The following ABCG1 variants were observed in gnomAD, a reference collection of about 807,000 sequenced individuals.
ABCG1 encodes the protein ATP-binding cassette sub-family G member 1.
ABCG1 carries 29 observed loss-of-function variants against 69.2 expected under a neutral mutation model. The ratio of observed to expected loss-of-function variants is 0.42; its 90% confidence interval spans 0.31 to 0.57. The LOEUF (loss-of-function observed/expected upper bound fraction) is 0.57, where lower values mean the gene tolerates loss of function less well. ABCG1 is among the 20% of genes least tolerant of loss of function. ABCG1 has a pLI of 0.15. For synonymous variants in ABCG1, 370 were observed against 374.8 expected (o/e 0.99, Z 0.15); for missense variants, 718 against 898.1 (o/e 0.80, Z 2.56).
At position 42,220,176 on chromosome 21, in the gene ABCG1, G is replaced by A. The variant is rs1427272936; in HGVS notation, c.42+872G>A. The A allele has an allele frequency of 2.0e-5, 15 of 750,140 alleles. No homozygotes were observed. In the East Asian group the frequency reaches 3.7e-4, roughly 18 times the overall value. 46.5% of individuals were successfully genotyped at this position (750,140 alleles called of 1,614,324 possible). A position where few individuals can be genotyped will look rare whatever the true frequency, so the allele number is the denominator to read the frequency against. ...TTATCCTAGCGCCCTTCATGTCTAC[G>A]CCCAGCACACCAACATCGTAGAGGT... On this transcript the variant is annotated intron_variant, in intron 1 of 14. Transcript: ENST00000398449.
Position 42,276,167 on chromosome 21 carries a change from T to C in ABCG1, c.538-728T>C, listed in dbSNP as rs893317970. 1.3e-5 allele frequency among the ~76,000 whole-genome samples: 2 copies of C among 152,124 alleles called. No homozygotes were observed. The highest frequency in any genetic ancestry group is 6.5e-5 in the Admixed American group (1 of 15,274). ...GGCAGGAGGGTGGAAGCAAGGCCCG[T>C]CCTGTGCATGGTGATCTACTCTGGG... On this transcript the variant is annotated intron_variant, in intron 4 of 14. Coordinates refer to ENST00000398449, the MANE Select transcript of ABCG1 (RefSeq NM_016818.3). This position sits in a 1 kb window ranked among gnomAD's most constrained non-coding sequence, Gnocchi z 5.3.
intron 2 of ABCG1, among the ~76,000 whole-genome samples, chr21:42,209,538 G>C (rs1225191666): frequency 6.6e-6 from 1 of 152,220 alleles, no homozygotes; most frequent in Non-Finnish European, 1.5e-5. Context: ...AAAGCTAAGG[G>C]TTAGAGGGTC....
chr21:42,236,981 G>A (rs1699736094), intron 2 of ABCG1, among the ~76,000 whole-genome samples: 1 of 152,222 alleles, frequency 6.6e-6, no homozygotes. Context: ...GAATGAGTTT[G>A]TCCAGAAAAT....
At chr21:42,279,691 G>C (rs547132265) in intron 5 of ABCG1, among the ~76,000 whole-genome samples, 1 of 152,238 alleles carries the variant, frequency 6.6e-6, no homozygotes, top group African/African-American at 2.4e-5. Flanking sequence ...AGCCTTTTCC[G>C]GGGTAGCTGG....
At chr21:42,283,717 CCCA>C (rs1555961681) in intron 6 of ABCG1, among the ~76,000 whole-genome samples, 1 of 58,308 alleles carries the variant, frequency 1.7e-5, no homozygotes. Flanking sequence ...TGAAGTACCA[CCCA>C]CCACCCAGAT....
intron 2 of ABCG1, among the ~76,000 whole-genome samples, chr21:42,235,941 G>T (rs1374975712): frequency 6.6e-6 from 1 of 152,170 alleles, no homozygotes; most frequent in Admixed American, 6.5e-5. Context: ...TTTTATTTTT[G>T]ATTTACAGGT....
At chr21:42,215,739 G>A (rs118099444), upstream of ABCG1, among the ~76,000 whole-genome samples, 125 of 152,320 alleles carry the variant, frequency 8.2e-4, 1 homozygote, top group Middle Eastern at 3.4e-3. Flanking sequence ...AGAGAACAAG[G>A]GTCTGGAAAG....
chr21:42,249,760 C>G (rs905001160), intron 2 of ABCG1, among the ~76,000 whole-genome samples: 1 of 152,112 alleles, frequency 6.6e-6, no homozygotes, highest in Middle Eastern at 3.2e-3. Flanking sequence ...AATCCCGGCA[C>G]TTTGGGAGGC....
intron 3 of ABCG1, among the ~76,000 whole-genome samples, chr21:42,272,742 C>A (rs2068638670): frequency 6.6e-6 from 1 of 152,186 alleles, no homozygotes; most frequent in Non-Finnish European, 1.5e-5. Flanking sequence ...GCATGAGCAC[C>A]TGGGAGGCTC....
chr21:42,245,899 A>G (rs978104030), intron 2 of ABCG1, among the ~76,000 whole-genome samples: 10 of 152,264 alleles, frequency 6.6e-5, no homozygotes, highest in African/African-American at 2.4e-4. Context: ...ACAGGGCACC[A>G]GGCAGCAGAA....
At chr21:42,253,505 C>G (rs1268201476) in intron 2 of ABCG1, among the ~76,000 whole-genome samples, 1 of 152,166 alleles carries the variant, frequency 6.6e-6, no homozygotes, top group Non-Finnish European at 1.5e-5. Context: ...TTTGGCCAGA[C>G]CCATCTGGCA....
upstream of ABCG1, among the ~76,000 whole-genome samples, chr21:42,211,550 T>G (rs889149334): frequency 2.0e-5 from 3 of 152,078 alleles, no homozygotes; most frequent in Non-Finnish European, 4.4e-5. Flanking sequence ...CAAATTCATA[T>G]GTTAGAACCT....
At chr21:42,237,405 T>C (rs2067992882) in intron 2 of ABCG1, among the ~76,000 whole-genome samples, 1 of 152,114 alleles carries the variant, frequency 6.6e-6, no homozygotes, top group South Asian at 2.1e-4. Context: ...CCACCTCATC[T>C]CCCCAGGCTA....
intron 2 of ABCG1, among the ~76,000 whole-genome samples, chr21:42,229,191 G>A (rs56186857): frequency 2.0e-3 from 301 of 152,332 alleles, no homozygotes; most frequent in Middle Eastern, 0.017. Flanking sequence ...TCACAGTGGC[G>A]GAGTTTGTAT....
At chr21:42,234,844 C>T (rs1431654263) in intron 2 of ABCG1, among the ~76,000 whole-genome samples, 1 of 151,246 alleles carries the variant, frequency 6.6e-6, no homozygotes, top group Non-Finnish European at 1.5e-5. Flanking sequence ...CGCGCTGCCG[C>T]GCGTGTGCAG....
At chr21:42,213,288 C>T (rs544997287), upstream of ABCG1, among the ~76,000 whole-genome samples, 4 of 152,368 alleles carry the variant, frequency 2.6e-5, no homozygotes, top group African/African-American at 9.6e-5. Flanking sequence ...GCCTGCAGGA[C>T]CTCGGCACCT....
At chr21:42,263,897 C>T (rs1477819736) in intron 2 of ABCG1, among the ~76,000 whole-genome samples, 1 of 152,346 alleles carries the variant, frequency 6.6e-6, no homozygotes, top group Middle Eastern at 3.4e-3. Flanking sequence ...GGATGTTGCT[C>T]AAGGTTCATT....
chr21:42,233,938 C>T (rs2067938081), intron 2 of ABCG1, among the ~76,000 whole-genome samples: 1 of 152,240 alleles, frequency 6.6e-6, no homozygotes, highest in Non-Finnish European at 1.5e-5. Context: ...TCTCAACTGC[C>T]TGTCTTGAAA....
rs904668490 is a variant in ABCG1, at chr21:42,205,900, T to C, written c.48+4177T>C. On this transcript the variant is annotated intron_variant, in intron 2 of 15. Transcript: ENST00000398457. The stretch of plus-strand genomic sequence containing the variant: ...ATTTTTATTTTCATTTTTCATGTAT[T>C]TTTATTTTCATTTTCATTCAGGTAA... Among the ~76,000 whole-genome samples the C allele has an allele frequency of 5.3e-5, 8 of 152,364 alleles. No homozygotes were observed. In the East Asian group the frequency reaches 1.5e-3, roughly 29 times the overall value.
Sources: allele counts gnomAD v4.1 joint callset (sites outside exome capture counted in the v4.1 genomes callset), GRCh38; gene constraint gnomAD v4.1.1; non-coding constraint Gnocchi (gnomAD v3.1); transcripts MANE v1.5; gene names NCBI Gene and HGNC (gene_info 2026-07-23, HGNC 2026-07-21).